SETD1B: variants seen among roughly 807,000 people sequenced by gnomAD.
The protein encoded by SETD1B is histone-lysine N-methyltransferase SETD1B.
SETD1B carries 7 observed loss-of-function variants against 148.0 expected under a neutral mutation model. That is an observed-to-expected ratio of 0.05 (90% confidence interval 0.03 to 0.09). The LOEUF is 0.09. Ranked by LOEUF, SETD1B falls within the 10% of genes least tolerant of loss-of-function variation. The pLI is 1.00. For synonymous variants in SETD1B, 1,361 were observed against 1,186.5 expected, an observed-to-expected ratio of 1.15 and a Z score of -3.02; for missense variants, 2,155 against 2,729.9, an observed-to-expected ratio of 0.79 and a Z score of 4.69.
At position 121,809,866 on chromosome 12, in the gene SETD1B, C is replaced by G; in HGVS notation, c.921C>G (p.Thr307=). Residue 307 remains threonine (T), a synonymous_variant, in exon 6 of 17, where the codon ACC becomes ACG. Coordinates refer to ENST00000604567, the MANE Select transcript of SETD1B (RefSeq NM_001353345.2). The part of the protein sequence containing the change: ...SYLFSQDPAV[T]FKARRHESKF... ...TCTTCAGCCAGGACCCTGCAGTGAC[C>G]TTCAAGGCCCGGCGCCACGAGAGCA... The G allele has an allele frequency of 6.4e-7, 1 of 1,551,392 alleles. No individual in the cohort carries two copies. Among genetic ancestry groups the G allele is most frequent in the African/African-American group, 1.4e-5 (1 of 73,176 alleles).
rs571127410 is a variant in SETD1B, at chr12:121,822,390, C to T, written c.3911-100C>T. ...GAGAAGGACAGGTCCCGTGCTCAGA[C>T]TCAGGGCTGTGAGCCTGCCAGGTAT... On this transcript the variant is annotated intron_variant, in intron 11 of 16. Transcript: ENST00000604567. 719 of 1,398,744 alleles carry T rather than the reference C, an allele frequency of 5.1e-4. 1 individual carries two copies. Among genetic ancestry groups the T allele is most frequent in the Non-Finnish European group, 5.9e-4 (621 of 1,049,054 alleles). 86.6% of individuals were successfully genotyped at this position (1,398,744 alleles called of 1,614,324 possible).
At chr12:121,796,918 A>G in the SETD1B span, among the ~76,000 whole-genome samples, 1 of 152,036 alleles carries the variant, frequency 6.6e-6, no homozygotes, top group Non-Finnish European at 1.5e-5. Flanking sequence ...CATGCCTGTA[A>G]TCCCAGCTAC....
Position 121,804,674 on chromosome 12 carries a change from GGCCGCCGCCGCCGCC to G in SETD1B, c.-14-47_-14-33del. ...GATTCTTTCGCGTGTGTGTAGAAGC[GGCCGCCGCCGCCGCC>G]GCGGCGGAGACGACAACAACTTGCT... On this transcript the variant is annotated intron_variant, in intron 1 of 16. Transcript: ENST00000604567. This position sits in a 1 kb window ranked among gnomAD's most constrained non-coding sequence, Gnocchi z 4.6. 1 of 1,496,946 alleles carries G rather than the reference GGCCGCCGCCGCCGCC, an allele frequency of 6.7e-7. No individual in the cohort carries two copies. The highest frequency in any genetic ancestry group is 9.0e-7 in the Non-Finnish European group (1 of 1,109,092). The allele number at this position is 1,496,946 out of a possible 1,614,324, so 92.7% of individuals were successfully genotyped here.
At chr12:121,828,201 T>TTA (rs1876934110) in intron 16 of SETD1B, 131 bp downstream of exon 16, 1 of 1,217,992 alleles carries the variant, frequency 8.2e-7, no homozygotes, top group African/African-American at 1.5e-5. Flanking sequence ...TGGCCAAGGG[T>TTA]TATAGGGAGA....
At chr12:121,806,584 T>G (rs1875753310) in intron 4 of SETD1B, among the ~76,000 whole-genome samples, 1 of 152,142 alleles carries the variant, frequency 6.6e-6, no homozygotes, top group Non-Finnish European at 1.5e-5. Context: ...TGCTGCCCCT[T>G]CCCCTCTGGA....
chr12:121,822,484 C>T lies in SETD1B; in HGVS notation c.3911-6C>T, dbSNP rs1317149618. Reference sequence around the variant, plus strand: ...AAATGTCTCGTGTTCGCTCACCTCTCTGCAGAACATGACCTGGAAGTGGAG... The same window carrying T: ...AAATGTCTCGTGTTCGCTCACCTCTTTGCAGAACATGACCTGGAAGTGGAG... On this transcript the variant is annotated splice_region_variant and splice_polypyrimidine_tract_variant and intron_variant, in intron 11 of 16. Transcript: ENST00000604567. 3 of 1,538,030 alleles carry T rather than the reference C, an allele frequency of 2.0e-6. No homozygotes were observed. Among genetic ancestry groups the T allele is most frequent in the Admixed American group, 4.0e-5 (2 of 49,690 alleles).
intron 4 of SETD1B, among the ~76,000 whole-genome samples, chr12:121,807,204 C>T (rs909872721): frequency 3.3e-5 from 5 of 152,036 alleles, no homozygotes; most frequent in Admixed American, 2.0e-4. Flanking sequence ...GCACACTTGC[C>T]GAGCCTGTGC....
At position 121,808,189 on chromosome 12, in the gene SETD1B, C is replaced by T. The variant is rs1180775942; in HGVS notation, c.545-19C>T. The T allele has an allele frequency of 6.5e-7, 1 of 1,541,306 alleles. No homozygotes were observed. Among genetic ancestry groups the T allele is most frequent in the East Asian group, 2.5e-5 (1 of 40,814 alleles). ...ATCCTGGAACCTCACTGAGTTCCCC[C>T]TTTCCTGCCCATCTACAGGGGAAAC... is the stretch of plus-strand genomic sequence containing the variant. On this transcript the variant is annotated intron_variant, in intron 4 of 16. Transcript: ENST00000604567. The surrounding 1 kb of genome is among the most constrained non-coding windows in gnomAD (Gnocchi z 5.3).
At chr12:121,819,260 C>T (rs561112754) in intron 10 of SETD1B, 144 bp from the exon 11 acceptor site, 449 of 1,409,800 alleles carry the variant, frequency 3.2e-4, no homozygotes, top group Non-Finnish European at 4.1e-4. Flanking sequence ...AAAAAAGACT[C>T]CTAGTGAACA....
At chr12:121,820,949 C>G (rs1054630575) in intron 11 of SETD1B, among the ~76,000 whole-genome samples, 1 of 152,152 alleles carries the variant, frequency 6.6e-6, no homozygotes, top group Non-Finnish European at 1.5e-5. Flanking sequence ...CGGAAAAGAC[C>G]GGTGGGATGC....
At chr12:121,806,130 G>A in intron 4 of SETD1B, 25 bp downstream of exon 4, 1 of 1,545,466 alleles carries the variant, frequency 6.5e-7, no homozygotes, top group Non-Finnish European at 8.8e-7. Flanking sequence ...GGAGGAGCGT[G>A]GGGAGACCTG....
At chr12:121,822,218 C>CA in intron 11 of SETD1B, among the ~76,000 whole-genome samples, 1 of 152,258 alleles carries the variant, frequency 6.6e-6, no homozygotes, top group Non-Finnish European at 1.5e-5. Context: ...TTTCTTGGGC[C>CA]ACAGGGACTT....
rs201194219 is a variant in SETD1B, at chr12:121,827,215, TGA to T, written c.5338-300_5338-299del. Among the ~76,000 whole-genome samples, 966 of 151,416 alleles carry T rather than the reference TGA, an allele frequency of 6.4e-3. 16 individuals are homozygous for T. The highest frequency in any genetic ancestry group is 0.031 in the Admixed American group (466 of 15,228). On this transcript the variant is annotated intron_variant, in intron 13 of 16. Transcript: ENST00000604567. ...TCCCCGATTTTGAACGCTTGTGGGG[TGA>T]GAGGGGTCTGGGTGAGAGCCAAGGA...
chr12:121,817,541 C>T lies in SETD1B; in HGVS notation c.3149C>T (p.Ser1050Leu). ...SLSASSSSSA[S>L]SSSGSSTTSP... ...TCGGCGTCCTCGTCCTCATCCGCGT[C>T]ATCATCCTCGGGGTCCTCAACCACC... The change falls in exon 9 of 17, where the codon TCA becomes TTA. Residue 1050 changes from serine to leucine, a missense_variant. Around this residue, in one of 11 missense-constraint regions of SETD1B, gnomAD observed 862 missense variants for 873.8 expected, o/e 0.99. Transcript: ENST00000604567. This position sits in a 1 kb window ranked among gnomAD's most constrained non-coding sequence, Gnocchi z 8.1. The T allele has an allele frequency of 6.4e-7, 1 of 1,551,566 alleles. No individual in the cohort carries two copies. Among genetic ancestry groups the T allele is most frequent in the Non-Finnish European group, 8.7e-7 (1 of 1,146,916 alleles).
intron 7 of SETD1B, among the ~76,000 whole-genome samples, chr12:121,816,669 T>C (rs1223569339): frequency 6.6e-6 from 1 of 152,234 alleles, no homozygotes; most frequent in Non-Finnish European, 1.5e-5. Context: ...GTCCTGTTTT[T>C]AATGCATGGG....
At chr12:121,791,020 T>C in the SETD1B span, among the ~76,000 whole-genome samples, 2 of 150,180 alleles carry the variant, frequency 1.3e-5, no homozygotes, top group Non-Finnish European at 3.0e-5. Flanking sequence ...ACTATAGGTA[T>C]GTGCCAACAC....
intron 12 of SETD1B, 143 bp from the exon 13 acceptor site, chr12:121,825,057 G>A: frequency 1.3e-6 from 1 of 767,602 alleles, no homozygotes; most frequent in Non-Finnish European, 2.0e-6. Context: ...TCAGCGGGCA[G>A]CCACGTGGAG....
chr12:121,828,118 C>A (rs1422322764), intron 16 of SETD1B, 48 bp downstream of exon 16: 1 of 1,542,584 alleles, frequency 6.5e-7, no homozygotes, highest in Non-Finnish European at 8.8e-7. Flanking sequence ...CTGCCCCTGG[C>A]CCTGCTTCTG....
rs1242577470 is a variant in SETD1B, at chr12:121,805,691, T to A, written c.274-144T>A. The A allele has an allele frequency of 1.7e-3, 48 of 27,462 alleles. No homozygotes were observed. Among genetic ancestry groups the A allele is most frequent in the East Asian group, 0.024 (1 of 42 alleles). 1.7% of individuals were successfully genotyped at this position (27,462 alleles called of 1,614,324 possible). On this transcript the variant is annotated intron_variant, in intron 3 of 16. Coordinates refer to ENST00000604567, the MANE Select transcript of SETD1B (RefSeq NM_001353345.2). This position sits in a 1 kb window ranked among gnomAD's most constrained non-coding sequence, Gnocchi z 4.2. ...TGCATTTTTTTTTTCCAAAAAAAAT[T>A]TTTTTTTTTTTTTTAATTTTTAGTT...
Sources: allele counts gnomAD v4.1 joint callset (sites outside exome capture counted in the v4.1 genomes callset), GRCh38; gene constraint gnomAD v4.1.1; regional missense constraint gnomAD v4.1.1; non-coding constraint Gnocchi (gnomAD v3.1); transcripts MANE v1.5; gene names NCBI Gene and HGNC (gene_info 2026-07-23, HGNC 2026-07-21).